ZNF354A: variants seen among roughly 807,000 people sequenced by gnomAD.
ZNF354A encodes the protein zinc finger protein 354A.
A neutral mutation model predicts 53.3 loss-of-function variants in ZNF354A; 25 were observed. That is an observed-to-expected ratio of 0.47 (90% CI 0.34 to 0.66). The LOEUF (loss-of-function observed/expected upper bound fraction) is 0.66. Among genes scored for constraint, ZNF354A ranks in the 30% least tolerant of loss-of-function variants. ZNF354A has a pLI of 0.01. For synonymous variants in ZNF354A, 228 were observed against 249.0 expected (o/e 0.92, Z 0.79); for missense variants, 586 against 716.8 (o/e 0.82, Z 2.08).
intron 4 of ZNF354A, among the ~76,000 whole-genome samples, chr5:178,714,775 A>T (rs1765684303): frequency 6.6e-6 from 1 of 152,050 alleles, no homozygotes; most frequent in Non-Finnish European, 1.5e-5. Context: ...TATATATACA[A>T]ATATGCACAT....
rs1186119551 is a variant in ZNF354A, at chr5:178,713,003, T to C, written c.875A>G (p.His292Arg). ...ACATCTGTAGGATTTCTCCACAGTA[T>C]GGGTTCTTAGATGTTTATAAAGGGA... ...STSLYKHLRTHTVEKSYRCKE... is the reference protein window; with the variant it reads ...STSLYKHLRTRTVEKSYRCKE... The change falls in exon 5 of 5, where the codon CAT becomes CGT. Residue 292 changes from histidine (H) to arginine (R), a missense_variant. Around this residue, in one of 2 missense-constraint regions of ZNF354A, gnomAD observed 573 missense variants for 680.1 expected, o/e 0.84. Transcript: ENST00000335815. 4 of 1,614,196 alleles carry C rather than the reference T, an allele frequency of 2.5e-6. No individual in the cohort carries two copies. The highest frequency in any genetic ancestry group is 1.3e-5 in the African/African-American group (1 of 75,060).
At chr5:178,729,689 G>A (rs1199597492) in intron 1 of ZNF354A, among the ~76,000 whole-genome samples, 2 of 151,774 alleles carry the variant, frequency 1.3e-5, no homozygotes, top group African/African-American at 2.4e-5. Context: ...CTCCCGAGTA[G>A]CTGGGACTAC....
chr5:178,730,035 T>C (rs981260102), intron 1 of ZNF354A, among the ~76,000 whole-genome samples: 2 of 151,962 alleles, frequency 1.3e-5, no homozygotes, highest in Admixed American at 6.5e-5. Context: ...GGCTAATTTT[T>C]TTTGTATTTT....
At chr5:178,728,710 T>C (rs1369433080) in intron 2 of ZNF354A, among the ~76,000 whole-genome samples, 2 of 147,330 alleles carry the variant, frequency 1.4e-5, no homozygotes, top group African/African-American at 5.1e-5. Flanking sequence ...GGCAGGAGAA[T>C]TGCTTCAACC....
At position 178,727,067 on chromosome 5, in the gene ZNF354A, A is replaced by C. The variant is rs1193981294; in HGVS notation, c.92T>G (p.Leu31Arg). ...GTACAAGTTTCTCTGAGAAGGGGCC[A>C]GCTTTCTCCACTCATCTCGGGTAAA... Reference protein sequence around the residue: ...VLFTRDEWRKLAPSQRNLYRD... With the variant: ...VLFTRDEWRKRAPSQRNLYRD... Residue 31 changes from leucine (L) to arginine (R), a missense_variant, in exon 3 of 5, where the codon CTG (leucine) becomes CGG (arginine). By Grantham distance (102) the Leu-to-Arg change is moderately radical. Around this residue, in one of 2 missense-constraint regions of ZNF354A, gnomAD observed 573 missense variants for 680.1 expected, o/e 0.84. Coordinates refer to ENST00000335815, the MANE Select transcript of ZNF354A (RefSeq NM_005649.3). 1 of 1,614,176 alleles carries C rather than the reference A, an allele frequency of 6.2e-7. No homozygotes were observed. Among genetic ancestry groups the C allele is most frequent in the Non-Finnish European group, 8.5e-7 (1 of 1,180,002 alleles).
At chr5:178,720,605 C>T (rs1055310621) in intron 4 of ZNF354A, among the ~76,000 whole-genome samples, 4 of 152,186 alleles carry the variant, frequency 2.6e-5, no homozygotes, top group Non-Finnish European at 4.4e-5. Flanking sequence ...TCAGAGGGAG[C>T]GGGGCCCTGC....
intron 1 of ZNF354A, among the ~76,000 whole-genome samples, chr5:178,730,160 C>G (rs1340300297): frequency 6.6e-6 from 1 of 152,224 alleles, no homozygotes; most frequent in Non-Finnish European, 1.5e-5. Flanking sequence ...CCACCGCGCC[C>G]GGCCAAACAC....
chr5:178,726,267 T>C (rs1257945747), intron 3 of ZNF354A: 2 of 455,218 alleles, frequency 4.4e-6, no homozygotes, highest in Non-Finnish European at 8.8e-6. Context: ...AGAAATATGT[T>C]ACGGAGACCA....
chr5:178,726,056 A>G (rs530707214), intron 3 of ZNF354A: 4 of 400,012 alleles, frequency 1.0e-5, no homozygotes, highest in Admixed American at 5.5e-5. Flanking sequence ...GTTGGCCAGG[A>G]TGGTCTTGAT....
Position 178,712,979 on chromosome 5 carries a change from C to T in ZNF354A, c.899G>A (p.Cys300Tyr). ...RTHTVEKSYRCKECGKSFSRR... is the reference protein window; with the variant it reads ...RTHTVEKSYRYKECGKSFSRR... ...GCTGAAGGATTTACCACATTCTTTACATCTGTAGGATTTCTCCACAGTATG... is the reference window on the plus strand; with the variant it reads ...GCTGAAGGATTTACCACATTCTTTATATCTGTAGGATTTCTCCACAGTATG... The change falls in exon 5 of 5, where the codon TGT becomes TAT. Residue 300 changes from cysteine (C) to tyrosine (Y), a missense_variant. Coordinates refer to ENST00000335815, the MANE Select transcript of ZNF354A (RefSeq NM_005649.3). The T allele has an allele frequency of 6.2e-7, 1 of 1,614,124 alleles. No homozygotes were observed.
chr5:178,715,362 T>G (rs1765692494), intron 4 of ZNF354A, among the ~76,000 whole-genome samples: 1 of 152,212 alleles, frequency 6.6e-6, no homozygotes, highest in South Asian at 2.1e-4. Context: ...CTTCTTCCAT[T>G]CCTTCTTTAA....
In ZNF354A at chr5:178,725,491, C is replaced by A. The variant is rs745889122; in HGVS notation, c.161-20G>T. 3.7e-6 allele frequency: 6 copies of A among 1,609,400 alleles called. No homozygotes were observed. The highest frequency in any genetic ancestry group is 5.1e-6 in the Non-Finnish European group (6 of 1,176,422). On this transcript the variant is annotated intron_variant, in intron 3 of 4. Transcript: ENST00000335815. ...GGAGCCCTGCACATAAACAAAAAAC[C>A]ACAACCAAACAAATCAGACTTGGTT...
intron 4 of ZNF354A, among the ~76,000 whole-genome samples, chr5:178,720,187 G>A (rs937645517): frequency 1.2e-4 from 18 of 152,324 alleles, no homozygotes; most frequent in African/African-American, 3.6e-4. Flanking sequence ...ATATGTAAAA[G>A]TAGTGTGAAT....
At chr5:178,729,390 GGAAACT>G (rs1765981351) in intron 1 of ZNF354A, 1 of 259,310 alleles carries the variant, frequency 3.9e-6, no homozygotes, top group African/African-American at 2.4e-5. Context: ...GCACCGCTCA[GGAAACT>G]GAGGCAGCGC....
At chr5:178,718,677 G>A (rs1027192704) in intron 4 of ZNF354A, among the ~76,000 whole-genome samples, 57 of 152,040 alleles carry the variant, frequency 3.7e-4, no homozygotes, top group African/African-American at 1.3e-3. Context: ...TTAATTTACC[G>A]TAAATTCTTA....
intron 1 of ZNF354A, among the ~76,000 whole-genome samples, chr5:178,729,624 T>C (rs1387345978): frequency 1.3e-5 from 2 of 151,570 alleles, no homozygotes; most frequent in African/African-American, 4.9e-5. Flanking sequence ...AGTGGCAGGA[T>C]CTCGGCTCAC....
chr5:178,716,521 G>GA (rs1765718361), intron 4 of ZNF354A, among the ~76,000 whole-genome samples: 1 of 152,212 alleles, frequency 6.6e-6, no homozygotes, highest in African/African-American at 2.4e-5. Flanking sequence ...ATGTTCTGGG[G>GA]AATGCAGATA....
rs1434822552 is a variant in ZNF354A, at chr5:178,713,406, TTC to T, written c.470_471del (p.Arg157LysfsTer3). 2.5e-6 allele frequency: 4 copies of T among 1,613,676 alleles called. No individual in the cohort carries two copies. The highest frequency in any genetic ancestry group is 1.3e-5 in the African/African-American group (1 of 74,844). Reference sequence around the variant, plus strand: ...TGGCTCAATTCAGTATTTTTATGGCTTCTTTCTATAGTGGGGATTTTTTTGTG... The same window carrying T: ...TGGCTCAATTCAGTATTTTTATGGCTTTTCTATAGTGGGGATTTTTTTGTG... The part of the protein sequence containing the change: ...ATHKKIPTIE[R>X]SHKNTELSQN... On this transcript the variant is annotated frameshift_variant, in exon 5 of 5. Transcript: ENST00000335815. LOFTEE classifies it high-confidence loss of function.
chr5:178,727,043 T>C lies in ZNF354A; in HGVS notation c.116A>G (p.Tyr39Cys). The part of the protein sequence containing the change: ...RKLAPSQRNL[Y>C]RDVMLENYRN... Reference sequence around the variant, plus strand: ...ATAGTTCTCCAGCATCACATCCCGGTACAAGTTTCTCTGAGAAGGGGCCAG... The same window carrying C: ...ATAGTTCTCCAGCATCACATCCCGGCACAAGTTTCTCTGAGAAGGGGCCAG... Residue 39 changes from tyrosine to cysteine, a missense_variant, in exon 3 of 5, where the codon TAC (tyrosine) becomes TGC (cysteine). Around this residue, in one of 2 missense-constraint regions of ZNF354A, gnomAD observed 573 missense variants for 680.1 expected, o/e 0.84. Transcript: ENST00000335815. The C allele has an allele frequency of 1.9e-6, 3 of 1,614,040 alleles. No individual in the cohort carries two copies. The highest frequency in any genetic ancestry group is 2.5e-6 in the Non-Finnish European group (3 of 1,179,964).
Sources: allele counts gnomAD v4.1 joint callset (sites outside exome capture counted in the v4.1 genomes callset), GRCh38; gene constraint gnomAD v4.1.1; regional missense constraint gnomAD v4.1.1; transcripts MANE v1.5; gene names NCBI Gene and HGNC (gene_info 2026-07-23, HGNC 2026-07-21).